The following DPYSL3 variants were observed in gnomAD, a reference collection of about 807,000 sequenced individuals.
DPYSL3 encodes the protein dihydropyrimidinase-related protein 3.
DPYSL3 carries 16 observed loss-of-function variants against 66.1 expected under a neutral mutation model. That is an observed-to-expected ratio of 0.24 (90% CI 0.16 to 0.37). DPYSL3 has a LOEUF of 0.37. Among genes scored for constraint, DPYSL3 ranks in the 10% least tolerant of loss-of-function variants. The pLI, the probability that DPYSL3 is intolerant of heterozygous loss-of-function variation, is 1.00. For synonymous variants in DPYSL3, 338 were observed against 345.1 expected, an observed-to-expected ratio of 0.98 and a Z score of 0.23; for missense variants, 738 against 916.2, an observed-to-expected ratio of 0.81 and a Z score of 2.51.
chr5:147,509,602 G>T lies in DPYSL3; in HGVS notation c.257C>A (p.Pro86Gln), dbSNP rs190349455. ...GSRPGIEGDT[P>Q]RRGQGREESR... Reference sequence around the variant, plus strand: ...CTCTTCCCGGCCTTGGCCCCTGCGCGGGGTGTCCCCCTCGATCCCGGGCCG... The same window carrying T: ...CTCTTCCCGGCCTTGGCCCCTGCGCTGGGTGTCCCCCTCGATCCCGGGCCG... The change falls in exon 1 of 14, where the codon CCG becomes CAG. Residue 86 changes from proline (P) to glutamine (Q), a missense_variant. Transcript: ENST00000343218. The surrounding 1 kb of genome is among the most constrained non-coding windows in gnomAD (Gnocchi z 5.3). 42 of 1,535,386 alleles carry T rather than the reference G, an allele frequency of 2.7e-5. No individual in the cohort carries two copies. Among genetic ancestry groups the T allele is most frequent in the Admixed American group, 2.0e-5 (1 of 50,956 alleles).
chr5:147,399,058 C>T (rs765298537), intron 11 of DPYSL3, 24 bp downstream of exon 11: 3 of 1,610,282 alleles, frequency 1.9e-6, no homozygotes, highest in South Asian at 2.2e-5. Context: ...CATTCTACTC[C>T]ACTCCCACCA....
intron 1 of DPYSL3, among the ~76,000 whole-genome samples, chr5:147,425,853 G>A (rs575277163): frequency 6.6e-6 from 1 of 152,302 alleles, no homozygotes; most frequent in African/African-American, 2.4e-5. Flanking sequence ...GCTTAGGCTG[G>A]AGTATGAGGG....
intron 1 of DPYSL3, among the ~76,000 whole-genome samples, chr5:147,458,004 G>T (rs1349966649): frequency 1.3e-5 from 2 of 152,260 alleles, no homozygotes; most frequent in East Asian, 3.9e-4. Context: ...GGGAGGAGGA[G>T]TTCATATGAA....
In DPYSL3 at chr5:147,435,998, C is replaced by A. The variant is rs147427390; in HGVS notation, c.382-11035G>T. On this transcript the variant is annotated intron_variant, in intron 1 of 13. Transcript: ENST00000343218. ...GAGGGCTGCCTGGCAGGAGCCGTAA[C>A]CTTCAGCAGAGACATGCAGCTGCCC... Among the ~76,000 whole-genome samples, 498 of 152,248 alleles carry A rather than the reference C, an allele frequency of 3.3e-3. 4 individuals are homozygous for A. Among genetic ancestry groups the A allele is most frequent in the African/African-American group, 0.011 (476 of 41,546 alleles).
chr5:147,442,536 T>C (rs1345055369), intron 1 of DPYSL3, among the ~76,000 whole-genome samples: 1 of 152,162 alleles, frequency 6.6e-6, no homozygotes, highest in African/African-American at 2.4e-5. Context: ...TTCGGGAAGA[T>C]TACTCAACCT....
intron 1 of DPYSL3, among the ~76,000 whole-genome samples, chr5:147,447,666 T>A (rs1459573496): frequency 2.0e-5 from 3 of 151,960 alleles, no homozygotes; most frequent in African/African-American, 7.3e-5. Flanking sequence ...AGGTCGGGAG[T>A]TCGAGACCAG....
chr5:147,453,251 C>T (rs1412069425), intron 1 of DPYSL3, among the ~76,000 whole-genome samples: 1 of 152,250 alleles, frequency 6.6e-6, no homozygotes, highest in African/African-American at 2.4e-5. Context: ...CCTGGGAGAG[C>T]CGCGAGCCCC....
intron 1 of DPYSL3, among the ~76,000 whole-genome samples, chr5:147,498,272 CT>C (rs141338657): frequency 0.14 from 21,330 of 152,086 alleles, 1,542 homozygotes; most frequent in Middle Eastern, 0.21. Flanking sequence ...TGATCTCATT[CT>C]TTTTTTATGG....
intron 1 of DPYSL3, among the ~76,000 whole-genome samples, chr5:147,458,613 AC>A (rs1752887067): frequency 6.6e-6 from 1 of 152,132 alleles, no homozygotes; most frequent in South Asian, 2.1e-4. Context: ...CTGGATCGAG[AC>A]CCCTTTCCGG....
At chr5:147,480,489 C>G (rs754417642) in intron 1 of DPYSL3, among the ~76,000 whole-genome samples, 3 of 152,082 alleles carry the variant, frequency 2.0e-5, no homozygotes, top group Non-Finnish European at 4.4e-5. Flanking sequence ...CTAGTAGGGT[C>G]TCTGTTATGG....
At chr5:147,442,638 C>T (rs1033338401) in intron 1 of DPYSL3, among the ~76,000 whole-genome samples, 4 of 151,226 alleles carry the variant, frequency 2.6e-5, no homozygotes, top group East Asian at 1.9e-4. Context: ...GCAAAGATCT[C>T]GGAAAAAATC....
chr5:147,405,647 C>T lies in DPYSL3; in HGVS notation c.1116G>A (p.Lys372=). The T allele has an allele frequency of 1.2e-6, 2 of 1,613,988 alleles. No homozygotes were observed. The highest frequency in any genetic ancestry group is 1.7e-5 in the Admixed American group (1 of 60,002). Residue 372 remains lysine, a synonymous_variant, in exon 8 of 14, where the codon AAG becomes AAA. Transcript: ENST00000343218. ...CPLYVTKVMS[K]SAADLISQAR... is the part of the protein sequence containing the mutation. ...CTTGTGAGATGAGGTCAGCTGCACT[C>T]TTGCTCATGACCTTTGTGACGTAGA... is the stretch of plus-strand genomic sequence containing the variant.
rs74836244 is a variant in DPYSL3 at position 147,484,331 on chromosome 5, G to T, written c.381+25147C>A. Among the ~76,000 whole-genome samples, 86 of 152,346 alleles carry T rather than the reference G, an allele frequency of 5.6e-4. No homozygotes were observed. The East Asian group carries it at 0.016, about 29-fold the overall frequency. ...TCTGGCCTTCCTGCCTCAGCCTGCA[G>T]GGAGGGTGTAATCCTGTGTTTGCAG... On this transcript the variant is annotated intron_variant, in intron 1 of 13. Coordinates refer to ENST00000343218, the MANE Select transcript of DPYSL3 (RefSeq NM_001197294.2).
chr5:147,493,682 C>T (rs1753454345), intron 1 of DPYSL3, among the ~76,000 whole-genome samples: 1 of 152,134 alleles, frequency 6.6e-6, no homozygotes. Flanking sequence ...TTAAAATGGA[C>T]ATCTATAGAC....
At chr5:147,489,482 T>C (rs1471537627) in intron 1 of DPYSL3, among the ~76,000 whole-genome samples, 2 of 152,358 alleles carry the variant, frequency 1.3e-5, no homozygotes, top group East Asian at 3.9e-4. Context: ...GTTTCTTTTC[T>C]GGATTATGTG....
chr5:147,493,624 T>C (rs1753453572), intron 1 of DPYSL3, among the ~76,000 whole-genome samples: 1 of 151,344 alleles, frequency 6.6e-6, no homozygotes, highest in Non-Finnish European at 1.5e-5. Context: ...GAAGGAAAAA[T>C]GGACAGATCC....
intron 1 of DPYSL3, among the ~76,000 whole-genome samples, chr5:147,464,225 C>T (rs765298629): frequency 3.3e-5 from 5 of 152,130 alleles, no homozygotes; most frequent in Middle Eastern, 3.2e-3. Flanking sequence ...TACATCAATG[C>T]CCTTTATATG....
intron 7 of DPYSL3, among the ~76,000 whole-genome samples, chr5:147,407,615 G>T (rs573828603): frequency 6.6e-6 from 1 of 152,052 alleles, no homozygotes; most frequent in Non-Finnish European, 1.5e-5. Context: ...CTTTACCTGC[G>T]CAACAATGCC....
chr5:147,432,217 T>C (rs1017548499), intron 1 of DPYSL3, among the ~76,000 whole-genome samples: 2 of 152,146 alleles, frequency 1.3e-5, no homozygotes, highest in Non-Finnish European at 2.9e-5. Flanking sequence ...GCAGAATACA[T>C]AACACATGGA....
Sources: allele counts gnomAD v4.1 joint callset (sites outside exome capture counted in the v4.1 genomes callset), GRCh38; gene constraint gnomAD v4.1.1; non-coding constraint Gnocchi (gnomAD v3.1); transcripts MANE v1.5; gene names NCBI Gene and HGNC (gene_info 2026-07-23, HGNC 2026-07-21).